The following ARHGAP27 variants were observed in gnomAD, a reference collection of about 807,000 sequenced individuals.
The protein encoded by ARHGAP27 is Rho GTPase activating protein 27, also known as rho GTPase-activating protein 27.
In ARHGAP27, 53 loss-of-function variants were observed where a neutral mutation model predicts 102.0. That is an observed-to-expected ratio of 0.52 (90% CI 0.42 to 0.65). The LOEUF (loss-of-function observed/expected upper bound fraction) is 0.65, where lower values mean the gene tolerates loss of function less well. ARHGAP27 is among the 30% of genes least tolerant of loss of function. The pLI is 0.00. For synonymous variants in ARHGAP27, 525 were observed against 542.8 expected (o/e 0.97, Z 0.46); for missense variants, 1,117 against 1,256.2 (o/e 0.89, Z 1.68).
At chr17:45,397,752 G>A in intron 13 of ARHGAP27, 197 bp downstream of exon 13, 1 of 440,292 alleles carries the variant, frequency 2.3e-6, no homozygotes, top group East Asian at 3.3e-5. Flanking sequence ...CTTCCTGCAG[G>A]GCCAACCCCA....
Position 45,393,997 on chromosome 17 carries a change from T to C in ARHGAP27, c.*1459A>G, listed in dbSNP as rs1340784754. 1 of 152,700 alleles carries C rather than the reference T, an allele frequency of 6.5e-6. No homozygotes were observed. Among genetic ancestry groups the C allele is most frequent in the South Asian group, 2.1e-4 (1 of 4,836 alleles). The allele number at this position is 152,700 out of a possible 1,614,324, so 9.5% of individuals were successfully genotyped here. ...ACATATGGTATGAGGCCCCTGTGTG[T>C]ACTCTTGCCCTGGCCCTGTTGGCAA... On this transcript the variant is annotated 3_prime_UTR_variant, in exon 20 of 20. Coordinates refer to ENST00000685559, the MANE Select transcript of ARHGAP27 (RefSeq NM_001282290.2).
rs895628165 is a variant in ARHGAP27 at position 45,427,217 on chromosome 17, A to AT, written c.657+2405dup. On this transcript the variant is annotated intron_variant, in intron 4 of 19. Transcript: ENST00000685559. This position sits in a 1 kb window ranked among gnomAD's most constrained non-coding sequence, Gnocchi z 4.5. ...CATTCTTGAAGCCCTGGCCACAGGGATTTTTTTCTCAATCCCATTCCTGTC... is the reference window on the plus strand; with the variant it reads ...CATTCTTGAAGCCCTGGCCACAGGGATTTTTTTTCTCAATCCCATTCCTGTC... Among the ~76,000 whole-genome samples the AT allele has an allele frequency of 3.3e-5, 5 of 150,240 alleles. No homozygotes were observed. Among genetic ancestry groups the AT allele is most frequent in the Admixed American group, 6.7e-5 (1 of 14,968 alleles).
chr17:45,399,048 C>G (rs1334193620), intron 12 of ARHGAP27, among the ~76,000 whole-genome samples: 1 of 152,182 alleles, frequency 6.6e-6, no homozygotes, highest in Admixed American at 6.5e-5. Flanking sequence ...GACTGACGCT[C>G]AAAGCCCTTT....
rs1414842081 is a variant in ARHGAP27 at position 45,395,545 on chromosome 17, C to T, written c.2581G>A (p.Glu861Lys). Residue 861 changes from glutamate to lysine, a missense_variant, in exon 20 of 20, where the codon GAG becomes AAG. Physicochemically the swap from Glu to Lys is moderately conservative, Grantham distance 56. This residue lies in a region of ARHGAP27 where 493 missense variants were observed against 505.5 expected (regional missense o/e 0.98). Coordinates refer to ENST00000685559, the MANE Select transcript of ARHGAP27 (RefSeq NM_001282290.2). ...ACCATGGTCATGGGCATGCTGGTCT[C>T]TTCCACCTCGGGCCGCAGCAGCGTG... ...GPTLLRPEVEETSMPMTMVFQ... is the reference protein window; with the variant it reads ...GPTLLRPEVEKTSMPMTMVFQ... The T allele has an allele frequency of 1.2e-6, 2 of 1,603,586 alleles. No homozygotes were observed. The highest frequency in any genetic ancestry group is 1.1e-5 in the South Asian group (1 of 88,846).
At position 45,395,400 on chromosome 17, in the gene ARHGAP27, C is replaced by G. The variant is rs917889652; in HGVS notation, c.*56G>C. 5 of 1,510,738 alleles carry G rather than the reference C, an allele frequency of 3.3e-6. No homozygotes were observed. In the African/African-American group the frequency reaches 6.9e-5, roughly 21 times the overall value. 93.6% of individuals were successfully genotyped at this position (1,510,738 alleles called of 1,614,324 possible). A position where few individuals can be genotyped will look rare whatever the true frequency, so the allele number is the denominator to read the frequency against. On this transcript the variant is annotated 3_prime_UTR_variant, in exon 20 of 20. Transcript: ENST00000685559. ...GAAGAAGGCCCGGCTGCGTGGCCTC[C>G]GCCGCCCAGCTTGTGTGGCAGGACC... is the stretch of plus-strand genomic sequence containing the variant.
At chr17:45,396,375 C>G in intron 16 of ARHGAP27, 91 bp from the exon 17 acceptor site, 2 of 1,474,164 alleles carry the variant, frequency 1.4e-6, no homozygotes, top group Non-Finnish European at 1.8e-6. Context: ...CGGGGCCTCC[C>G]GTACTTTCCC....
Position 45,430,853 on chromosome 17 carries a change from G to A in ARHGAP27, c.-18-556C>T, listed in dbSNP as rs2050005782. ...GAGTTGGAATGTGGGCTCTGTAGGG[G>A]GCCGAGCGAACAGCTCTACCTGGGG... is the stretch of plus-strand genomic sequence containing the variant. On this transcript the variant is annotated intron_variant, in intron 3 of 19. Coordinates refer to ENST00000685559, the MANE Select transcript of ARHGAP27 (RefSeq NM_001282290.2). The surrounding 1 kb of genome is among the most constrained non-coding windows in gnomAD (Gnocchi z 4.4). Among the ~76,000 whole-genome samples, 1 of 152,106 alleles carries A rather than the reference G, an allele frequency of 6.6e-6. No homozygotes were observed. Among genetic ancestry groups the A allele is most frequent in the Non-Finnish European group, 1.5e-5 (1 of 67,998 alleles).
At chr17:45,420,827 G>A (rs2048958360) in intron 4 of ARHGAP27, among the ~76,000 whole-genome samples, 1 of 151,362 alleles carries the variant, frequency 6.6e-6, no homozygotes, top group African/African-American at 2.4e-5. Context: ...GTTGGGGGGC[G>A]CCTGTAGTCC....
chr17:45,397,044 G>C lies in ARHGAP27; in HGVS notation c.1843-20C>G. 1.9e-6 allele frequency: 3 copies of C among 1,600,562 alleles called. No homozygotes were observed. The highest frequency in any genetic ancestry group is 2.5e-6 in the Non-Finnish European group (3 of 1,179,624). The stretch of plus-strand genomic sequence containing the variant: ...TGCGGACTGGATTCCCATAGCCTCA[G>C]AGAGGCGGGGCCTTGAGCCAGCTGC... On this transcript the variant is annotated intron_variant, in intron 13 of 19. Coordinates refer to ENST00000685559, the MANE Select transcript of ARHGAP27 (RefSeq NM_001282290.2).
intron 4 of ARHGAP27, among the ~76,000 whole-genome samples, chr17:45,419,506 CTGTA>C (rs1239319938): frequency 1.1e-3 from 104 of 97,932 alleles, no homozygotes; most frequent in Admixed American, 3.4e-3. Context: ...AAGACTTATG[CTGTA>C]TGTATATATA....
chr17:45,410,565 C>T, intron 4 of ARHGAP27: 1 of 594,512 alleles, frequency 1.7e-6, no homozygotes, highest in Non-Finnish European at 2.5e-6. Context: ...TGAGCCGCAT[C>T]CGAGGCCCAG....
At chr17:45,410,282 C>G (rs1567714275) in intron 4 of ARHGAP27, 1 of 1,532,502 alleles carries the variant, frequency 6.5e-7, no homozygotes, top group Non-Finnish European at 8.7e-7. Context: ...GCGATTATGT[C>G]CACCATCCTG....
intron 5 of ARHGAP27, 107 bp downstream of exon 5, chr17:45,405,569 C>G: frequency 7.2e-7 from 1 of 1,395,176 alleles, no homozygotes; most frequent in Non-Finnish European, 9.5e-7. Flanking sequence ...GTAGCCCCGC[C>G]CACCCATCAC....
chr17:45,418,504 C>T (rs1341247380), intron 4 of ARHGAP27, among the ~76,000 whole-genome samples: 1 of 152,174 alleles, frequency 6.6e-6, no homozygotes, highest in Non-Finnish European at 1.5e-5. Flanking sequence ...TTCATTATTT[C>T]TCACCTGGAA....
At chr17:45,425,768 G>A in intron 4 of ARHGAP27, 1 of 385,224 alleles carries the variant, frequency 2.6e-6, no homozygotes, top group Non-Finnish European at 3.6e-6. Context: ...CTCTGGGCGG[G>A]GATGGTGACC....
Position 45,404,452 on chromosome 17 carries a change from T to C in ARHGAP27, c.1406A>G (p.Glu469Gly). 6.2e-7 allele frequency: 1 copy of C among 1,614,016 alleles called. No individual in the cohort carries two copies. The highest frequency in any genetic ancestry group is 1.1e-5 in the South Asian group (1 of 91,076). Residue 469 changes from glutamate (E) to glycine (G), a missense_variant, in exon 8 of 20, where the codon GAG (glutamate) becomes GGG (glycine). Coordinates refer to ENST00000685559, the MANE Select transcript of ARHGAP27 (RefSeq NM_001282290.2). ...CAATGGCTCCTCCCCTACCTTCTCC[T>C]CTGGAGGGCTGGCCTGGGCTGGGGT... ...GDTPAQASPP[E>G]EKVPAELDEV...
chr17:45,404,076 T>C lies in ARHGAP27; in HGVS notation c.1500A>G (p.Ala500=). ...AAVRTKTLDK[A]GVLHRTKTAD... ...CCGTCTTGGTGCGATGGAGCACCCCTGCCTTGTCCAAGGTCTTGGTCTAAG... is the reference window on the plus strand; with the variant it reads ...CCGTCTTGGTGCGATGGAGCACCCCCGCCTTGTCCAAGGTCTTGGTCTAAG... Residue 500 remains alanine, a synonymous_variant, in exon 10 of 20, where the codon GCA becomes GCG. Transcript: ENST00000685559. The C allele has an allele frequency of 6.2e-7, 1 of 1,614,106 alleles. No individual in the cohort carries two copies. Among genetic ancestry groups the C allele is most frequent in the East Asian group, 2.2e-5 (1 of 44,878 alleles).
At position 45,395,744 on chromosome 17, in the gene ARHGAP27, C is replaced by A; in HGVS notation, c.2492G>T (p.Arg831Leu). The change falls in exon 19 of 20, where the codon CGG becomes CTG. Residue 831 changes from arginine (R) to leucine (L), a missense_variant and splice_region_variant. Physicochemically the swap from Arg to Leu is moderately radical, Grantham distance 102. Coordinates refer to ENST00000685559, the MANE Select transcript of ARHGAP27 (RefSeq NM_001282290.2). ...TLRMLFQHLC[R>L]VIEHGEQNRM... Reference sequence around the variant, plus strand: ...TTCCCGCGCGGGCCGCCCGGCTCACCGGCAGAGGTGCTGGAAGAGCATCCG... The same window carrying A: ...TTCCCGCGCGGGCCGCCCGGCTCACAGGCAGAGGTGCTGGAAGAGCATCCG... 2 of 1,591,618 alleles carry A rather than the reference C, an allele frequency of 1.3e-6. No homozygotes were observed. The highest frequency in any genetic ancestry group is 1.7e-6 in the Non-Finnish European group (2 of 1,173,048).
In ARHGAP27 at chr17:45,427,829, A is replaced by G. The variant is rs1370656749; in HGVS notation, c.657+1794T>C. ...CCCTATCATCGGTGCCCCTCCCTCC[A>G]TATGCCACTGCAACTGGGAACCTGC... On this transcript the variant is annotated intron_variant, in intron 4 of 19. Transcript: ENST00000685559. The surrounding 1 kb of genome is among the most constrained non-coding windows in gnomAD (Gnocchi z 4.5). 1.3e-5 allele frequency among the ~76,000 whole-genome samples: 2 copies of G among 152,040 alleles called. No homozygotes were observed. Among genetic ancestry groups the G allele is most frequent in the African/African-American group, 4.8e-5 (2 of 41,404 alleles).
Sources: gnomAD v4.1 joint callset for allele counts (sites outside exome capture counted in the v4.1 genomes callset) on GRCh38, gnomAD v4.1.1 for gene constraint, gnomAD v4.1.1 regional missense constraint, Gnocchi (gnomAD v3.1) non-coding constraint, MANE v1.5 for transcripts, NCBI Gene and HGNC (gene_info 2026-07-23, HGNC 2026-07-21) for gene names.